Variants in RTEL1 observed in about 807,000 individuals in gnomAD.
RTEL1 encodes regulator of telomere length.
A neutral mutation model predicts 162.2 loss-of-function variants in RTEL1; 86 were observed. That is an observed-to-expected ratio of 0.53 (90% CI 0.45 to 0.63). RTEL1 has a LOEUF of 0.63. RTEL1 is among the 30% of genes least tolerant of loss of function. The pLI, the probability that RTEL1 is intolerant of heterozygous loss-of-function variation, is 0.00. For missense variants in RTEL1, 1,941 were observed against 1,750.2 expected, an observed-to-expected ratio of 1.11 and a Z score of -1.95; for synonymous variants, 958 against 717.9, an observed-to-expected ratio of 1.33 and a Z score of -5.35.
intron 22 of RTEL1, 94 bp from the exon 23 acceptor site, chr20:63,689,408 G>T (rs1434535028): frequency 1.7e-5 from 24 of 1,393,074 alleles, no homozygotes; most frequent in Middle Eastern, 2.5e-4. Context: ...CCCCTGGTTG[G>T]GGACGGAGCC....
At chr20:63,687,799 C>A in intron 17 of RTEL1, 29 bp downstream of exon 17, 3 of 1,554,110 alleles carry the variant, frequency 1.9e-6, no homozygotes, top group Admixed American at 1.9e-5. Flanking sequence ...AGGGCCTGAG[C>A]ACCGGTGACA....
intron 10 of RTEL1, among the ~76,000 whole-genome samples, chr20:63,677,426 G>A (rs2090378025): frequency 6.6e-6 from 1 of 152,124 alleles, no homozygotes; most frequent in African/African-American, 2.4e-5. Flanking sequence ...ACCAGCCTGA[G>A]CAACAGGGTG....
chr20:63,670,367 C>T (rs1443341642), intron 8 of RTEL1, among the ~76,000 whole-genome samples: 2 of 101,750 alleles, frequency 2.0e-5, no homozygotes, highest in Non-Finnish European at 3.9e-5. Flanking sequence ...ACTGGGAGAG[C>T]ATCCGGACAG....
At chr20:63,694,188 C>G in intron 30 of RTEL1, 184 bp from the exon 31 acceptor site, 1 of 614,738 alleles carries the variant, frequency 1.6e-6, no homozygotes, top group Non-Finnish European at 2.9e-6. Context: ...ACTGTTCCAG[C>G]CCCCATCCAG....
rs2090923013 is a variant in RTEL1, at chr20:63,694,639, T to C, written c.3110-102T>C. On this transcript the variant is annotated intron_variant, in intron 31 of 34. Transcript: ENST00000360203. The stretch of plus-strand genomic sequence containing the variant: ...CCGGTTCTGCACCCCGCAGTTGTCC[T>C]GAGCAGCTCTCCAGGAGTTCCTGGA... The C allele has an allele frequency of 2.4e-6, 3 of 1,263,472 alleles. No homozygotes were observed. The South Asian group carries it at 4.2e-5, about 18-fold the overall frequency. 78.3% of individuals were successfully genotyped at this position (1,263,472 alleles called of 1,614,324 possible).
At chr20:63,679,640 G>C (rs1409403140) in intron 12 of RTEL1, among the ~76,000 whole-genome samples, 1 of 152,126 alleles carries the variant, frequency 6.6e-6, no homozygotes, top group African/African-American at 2.4e-5. Flanking sequence ...TTGTTTCCGA[G>C]GGAAGGAAAC....
At chr20:63,689,257 C>A in intron 22 of RTEL1, 125 bp downstream of exon 22, 1 of 956,444 alleles carries the variant, frequency 1.0e-6, no homozygotes, top group Non-Finnish European at 1.6e-6. Flanking sequence ...ACGAGAGCGA[C>A]TGCTGGCCCT....
chr20:63,661,724 A>T lies in RTEL1; in HGVS notation c.302-126A>T. ...TGCCCACTTCACCCATTTTTGATAA[A>T]CCAGTATCTGGGGTGTCAGATTCTT... On this transcript the variant is annotated intron_variant, in intron 3 of 34. Coordinates refer to ENST00000360203, the MANE Select transcript of RTEL1 (RefSeq NM_001283009.2). The surrounding 1 kb of genome is among the most constrained non-coding windows in gnomAD (Gnocchi z 5.1). The T allele has an allele frequency of 1.1e-6, 1 of 946,150 alleles. No homozygotes were observed. Among genetic ancestry groups the T allele is most frequent in the Admixed American group, 2.1e-5 (1 of 47,012 alleles). 58.6% of individuals were successfully genotyped at this position (946,150 alleles called of 1,614,324 possible).
Position 63,677,944 on chromosome 20 carries a change from C to A in RTEL1, c.920-201C>A, listed in dbSNP as rs112353589. On this transcript the variant is annotated intron_variant, in intron 10 of 34. Coordinates refer to ENST00000360203, the MANE Select transcript of RTEL1 (RefSeq NM_001283009.2). ...GATTCTGTGTGGCCTCTTCCTTCCC[C>A]TGTTGGTGGATTTGGCCTGCACGGA... Among the ~76,000 whole-genome samples the A allele has an allele frequency of 1.4e-4, 21 of 145,320 alleles. No homozygotes were observed. The East Asian group carries it at 3.0e-3, about 21-fold the overall frequency.
Position 63,694,721 on chromosome 20 carries a change from C to CCATG in RTEL1, c.3110-18_3110-15dup, listed in dbSNP as rs1435450456. On this transcript the variant is annotated intron_variant, in intron 31 of 34. Coordinates refer to ENST00000360203, the MANE Select transcript of RTEL1 (RefSeq NM_001283009.2). ...TCCTCCACCCCAGCGCCACTCTGAG[C>CCATG]CATGCTACTCCCACACCAGGAGACC... 1.3e-6 allele frequency: 2 copies of CCATG among 1,574,878 alleles called. No homozygotes were observed. Among genetic ancestry groups the CCATG allele is most frequent in the East Asian group, 4.5e-5 (2 of 44,306 alleles).
chr20:63,665,894 C>A, intron 6 of RTEL1, 110 bp from the exon 7 acceptor site: 1 of 954,448 alleles, frequency 1.0e-6, no homozygotes, highest in Non-Finnish European at 1.6e-6. Context: ...TGGTGGGGGA[C>A]GCCCAGCCCT....
Position 63,685,858 on chromosome 20 carries a change from C to A in RTEL1, c.1334C>A (p.Ala445Glu), listed in dbSNP as rs766650483. 1 of 1,612,632 alleles carries A rather than the reference C, an allele frequency of 6.2e-7. No individual in the cohort carries two copies. The highest frequency in any genetic ancestry group is 1.1e-5 in the South Asian group (1 of 91,012). Residue 445 changes from alanine to glutamate, a missense_variant, in exon 16 of 35, where the codon GCA (alanine) becomes GAA (glutamate). Ala to Glu is a moderately radical substitution (Grantham distance 107, BLOSUM62 -1). Transcript: ENST00000360203. ...AQRSDAWSTT[A>E]ARKRGKVLSY... is the part of the protein sequence containing the mutation. Reference sequence around the variant, plus strand: ...CGGTCTGATGCCTGGAGCACCACTGCAGCCAGAAAGCGAGGTACAGACCTG... The same window carrying A: ...CGGTCTGATGCCTGGAGCACCACTGAAGCCAGAAAGCGAGGTACAGACCTG...
At position 63,690,311 on chromosome 20, in the gene RTEL1, C is replaced by A; in HGVS notation, c.2283C>A (p.Pro761=). ...VAERTMPAPA[P]RATAPSVRGE... ...TTCTGCAGATGCCAGCGCCGGCCCC[C>A]CGGGCTACAGCACCCAGTGTGCGTG... Residue 761 remains proline (P), a synonymous_variant, in exon 26 of 35, where the codon CCC becomes CCA. Transcript: ENST00000360203. 6.2e-7 allele frequency: 1 copy of A among 1,608,166 alleles called. No homozygotes were observed. The highest frequency in any genetic ancestry group is 8.5e-7 in the Non-Finnish European group (1 of 1,176,728).
At position 63,688,310 on chromosome 20, in the gene RTEL1, C is replaced by T. The variant is rs752494712; in HGVS notation, c.1646C>T (p.Ala549Val). 5.0e-6 allele frequency: 8 copies of T among 1,612,420 alleles called. No homozygotes were observed. Among genetic ancestry groups the T allele is most frequent in the Non-Finnish European group, 6.8e-6 (8 of 1,179,942 alleles). Residue 549 changes from alanine to valine, a missense_variant, in exon 20 of 35, where the codon GCC becomes GTC. By Grantham distance (64) the Ala-to-Val change is moderately conservative. Transcript: ENST00000360203. Reference protein sequence around the residue: ...SSLGKALGNIARVVPYGLLIF... With the variant: ...SSLGKALGNIVRVVPYGLLIF... ...GCCCCTGCACTTCCAGGCAACATCG[C>T]CCGCGTGGTGCCCTATGGGCTCCTG...
rs2090932134 is a variant in RTEL1 at position 63,694,887 on chromosome 20, T to G, written c.3256T>G (p.Tyr1086Asp). ...CCAACTCTTGGCAGCGCTGACAGCC[T>G]ATAAGCAAGACGACGACCTCGACAA... Reference protein sequence around the residue: ...CSQLLAALTAYKQDDDLDKVL... With the variant: ...CSQLLAALTADKQDDDLDKVL... Residue 1086 changes from tyrosine to aspartate, a missense_variant, in exon 32 of 35, where the codon TAT becomes GAT. By Grantham distance (160) the Tyr-to-Asp change is radical. Transcript: ENST00000360203. 4 of 1,612,614 alleles carry G rather than the reference T, an allele frequency of 2.5e-6. No homozygotes were observed. Among genetic ancestry groups the G allele is most frequent in the Non-Finnish European group, 3.4e-6 (4 of 1,179,862 alleles).
In RTEL1 at chr20:63,695,407, G is replaced by A. The variant is rs2090953690; in HGVS notation, c.3579G>A (p.Val1193=). The part of the protein sequence containing the change: ...SFLRQRPAGT[V]GAGGEDAGPS... ...TTAGACAGAGGCCAGCAGGGACTGTGGGGGCGGGCGGTGAGGATGCAGGTC... is the reference window on the plus strand; with the variant it reads ...TTAGACAGAGGCCAGCAGGGACTGTAGGGGCGGGCGGTGAGGATGCAGGTC... The change falls in exon 34 of 35, where the codon GTG becomes GTA. Residue 1193 remains valine (V), a synonymous_variant. Coordinates refer to ENST00000360203, the MANE Select transcript of RTEL1 (RefSeq NM_001283009.2). The A allele has an allele frequency of 3.8e-6, 6 of 1,559,484 alleles. No homozygotes were observed. Among genetic ancestry groups the A allele is most frequent in the South Asian group, 1.2e-5 (1 of 82,010 alleles).
chr20:63,681,742 C>T, intron 14 of RTEL1: 1 of 985,286 alleles, frequency 1.0e-6, no homozygotes, highest in Middle Eastern at 5.2e-4. Context: ...CCAGGCTCAG[C>T]CCTCCCTCCA....
At chr20:63,664,016 TC>T (rs1227071404) in intron 6 of RTEL1, among the ~76,000 whole-genome samples, 1 of 152,088 alleles carries the variant, frequency 6.6e-6, no homozygotes, top group Non-Finnish European at 1.5e-5. Flanking sequence ...GCTGGAGACA[TC>T]CTCTGTGTTG....
Position 63,685,826 on chromosome 20 carries a change from G to T in RTEL1, c.1302G>T (p.Thr434=), listed in dbSNP as rs200709485. Residue 434 remains threonine, a synonymous_variant, in exon 16 of 35, where the codon ACG becomes ACT. Coordinates refer to ENST00000360203, the MANE Select transcript of RTEL1 (RefSeq NM_001283009.2). ...ATCCTGATGCTGGTCACCGGAGGAC[G>T]GCTCAGCGGTCTGATGCCTGGAGCA... is the stretch of plus-strand genomic sequence containing the variant. ...HIHPDAGHRR[T]AQRSDAWSTT... The T allele has an allele frequency of 1.1e-5, 17 of 1,612,530 alleles. No individual in the cohort carries two copies. The highest frequency in any genetic ancestry group is 1.4e-5 in the Non-Finnish European group (16 of 1,179,912).
Sources: allele counts gnomAD v4.1 joint callset (sites outside exome capture counted in the v4.1 genomes callset), GRCh38; gene constraint gnomAD v4.1.1; non-coding constraint Gnocchi (gnomAD v3.1); transcripts MANE v1.5; gene names NCBI Gene and HGNC (gene_info 2026-07-23, HGNC 2026-07-21).